The following PSD3 variants were observed in gnomAD, a reference collection of about 807,000 sequenced individuals.
PSD3 encodes the protein PH and SEC7 domain-containing protein 3.
PSD3 carries 49 observed loss-of-function variants against 105.5 expected under a neutral mutation model. The ratio of observed to expected loss-of-function variants is 0.46; its 90% CI spans 0.37 to 0.59. The LOEUF is 0.59. PSD3 is among the 20% of genes least tolerant of loss of function. PSD3 has a pLI of 0.00. For missense variants in PSD3, 1,561 were observed against 1,263.8 expected (o/e 1.24, Z -3.57); for synonymous variants, 557 against 457.8 (o/e 1.22, Z -2.77).
In PSD3 at chr8:18,575,219, C is replaced by T. The variant is rs376777939; in HGVS notation, c.2548G>A (p.Ala850Thr). 22 of 1,613,692 alleles carry T rather than the reference C, an allele frequency of 1.4e-5. No homozygotes were observed. The highest frequency in any genetic ancestry group is 5.3e-5 in the African/African-American group (4 of 74,892). Residue 850 changes from alanine to threonine, a missense_variant, in exon 13 of 16, where the codon GCA becomes ACA. Coordinates refer to ENST00000327040, the MANE Select transcript of PSD3 (RefSeq NM_015310.4). ...TAGTCCGTGGCCTTGGATGCCAATG[C>T]GTGGTGCACACTCACAGCGTTTTTC... is the stretch of plus-strand genomic sequence containing the variant. ...DLKNAVSVHH[A>T]LASKATDYEK...
At chr8:18,621,385 G>A in intron 11 of PSD3, among the ~76,000 whole-genome samples, 1 of 152,172 alleles carries the variant, frequency 6.6e-6, no homozygotes, top group East Asian at 1.9e-4. Context: ...TCCAGCCTGG[G>A]CAACAGAGTG....
At chr8:18,575,635 T>A (rs1026878016) in intron 12 of PSD3, among the ~76,000 whole-genome samples, 1 of 152,150 alleles carries the variant, frequency 6.6e-6, no homozygotes, top group Non-Finnish European at 1.5e-5. Context: ...CTTGGACCAA[T>A]AGTGTGATTT....
At chr8:18,884,447 G>C (rs556026979) in intron 2 of PSD3, among the ~76,000 whole-genome samples, 1 of 152,216 alleles carries the variant, frequency 6.6e-6, no homozygotes, top group Non-Finnish European at 1.5e-5. Context: ...ATGAATATGA[G>C]TAATGAGAAT....
At chr8:18,549,080 G>A (rs544560325) in intron 15 of PSD3, among the ~76,000 whole-genome samples, 1 of 152,240 alleles carries the variant, frequency 6.6e-6, no homozygotes, top group African/African-American at 2.4e-5. Context: ...CATGGTTGCA[G>A]GGGGCTCTCT....
chr8:18,812,688 G>C (rs1219481540), intron 4 of PSD3, among the ~76,000 whole-genome samples: 1 of 152,210 alleles, frequency 6.6e-6, no homozygotes, highest in Non-Finnish European at 1.5e-5. Context: ...AGAAAAAGAA[G>C]TTCCATTTTT....
At chr8:18,638,876 A>T (rs768724028) in intron 10 of PSD3, among the ~76,000 whole-genome samples, 3 of 152,228 alleles carry the variant, frequency 2.0e-5, no homozygotes, top group Non-Finnish European at 4.4e-5. Flanking sequence ...ACTGGTATAA[A>T]AACAGAAAGC....
chr8:19,044,774 C>G (rs1828253739), intron 1 of PSD3, among the ~76,000 whole-genome samples: 1 of 151,676 alleles, frequency 6.6e-6, no homozygotes, highest in African/African-American at 2.4e-5. Flanking sequence ...TAAAGCCTTA[C>G]AGAAGAGATT....
chr8:19,039,999 T>A (rs1204578790), intron 1 of PSD3, among the ~76,000 whole-genome samples: 1 of 152,128 alleles, frequency 6.6e-6, no homozygotes, highest in African/African-American at 2.4e-5. Flanking sequence ...TTTATTTTAG[T>A]TAGGATGGTG....
intron 2 of PSD3, among the ~76,000 whole-genome samples, chr8:18,876,315 G>C (rs1357203690): frequency 6.6e-6 from 1 of 152,120 alleles, no homozygotes; most frequent in East Asian, 1.9e-4. Context: ...TGAGATATTG[G>C]AGTTGTTTCA....
intron 9 of PSD3, among the ~76,000 whole-genome samples, chr8:18,729,444 T>C (rs1460452714): frequency 6.6e-6 from 1 of 152,162 alleles, no homozygotes; most frequent in Non-Finnish European, 1.5e-5. Context: ...TACCCAAAAT[T>C]ATTTCAAGAT....
At chr8:19,052,487 AAAAAGAAAAAG>A (rs1828566122) in intron 1 of PSD3, among the ~76,000 whole-genome samples, 2 of 151,004 alleles carry the variant, frequency 1.3e-5, no homozygotes, top group Admixed American at 1.3e-4. Context: ...AAAAAAAAAG[AAAAAGAAAAAG>A]AAAAGAAATA....
At chr8:18,711,312 C>T (rs563018153) in intron 9 of PSD3, among the ~76,000 whole-genome samples, 5 of 152,184 alleles carry the variant, frequency 3.3e-5, no homozygotes, top group African/African-American at 1.2e-4. Context: ...TGTAAATGGG[C>T]TAAATGCCTC....
intron 9 of PSD3, among the ~76,000 whole-genome samples, chr8:18,739,113 G>A (rs1804369919): frequency 6.6e-6 from 1 of 151,958 alleles, no homozygotes; most frequent in Admixed American, 6.6e-5. Flanking sequence ...TGGAAAACTA[G>A]GAAAACTTCA....
chr8:18,614,536 G>A (rs868450839), intron 11 of PSD3, among the ~76,000 whole-genome samples: 2 of 152,058 alleles, frequency 1.3e-5, no homozygotes, highest in East Asian at 3.9e-4. Context: ...TAAGGTATCA[G>A]TAAACACCCA....
At chr8:18,849,502 T>C (rs1815395186) in intron 4 of PSD3, 1 of 152,244 alleles carries the variant, frequency 6.6e-6, no homozygotes, top group African/African-American at 2.4e-5. Flanking sequence ...TGCCTCTTCT[T>C]ACATGTTGGC....
chr8:18,777,109 C>G (rs896729507), intron 8 of PSD3, among the ~76,000 whole-genome samples: 1 of 152,130 alleles, frequency 6.6e-6, no homozygotes, highest in African/African-American at 2.4e-5. Flanking sequence ...GTGGAACGAT[C>G]TTGGCTCACT....
At chr8:18,638,128 C>G (rs982736667) in intron 10 of PSD3, among the ~76,000 whole-genome samples, 5 of 146,578 alleles carry the variant, frequency 3.4e-5, no homozygotes, top group Non-Finnish European at 7.4e-5. Flanking sequence ...GCACTCCAGC[C>G]TGGGCGACAG....
chr8:18,884,784 G>A (rs1818351223), intron 2 of PSD3, among the ~76,000 whole-genome samples: 1 of 152,146 alleles, frequency 6.6e-6, no homozygotes, highest in Non-Finnish European at 1.5e-5. Context: ...TAATGATTCA[G>A]AACCCAATTT....
intron 2 of PSD3, among the ~76,000 whole-genome samples, chr8:18,912,208 G>T (rs920471542): frequency 6.6e-6 from 1 of 152,112 alleles, no homozygotes; most frequent in African/African-American, 2.4e-5. Flanking sequence ...AGATATAACA[G>T]GGAATATTTG....
Sources: allele counts gnomAD v4.1 joint callset (sites outside exome capture counted in the v4.1 genomes callset), GRCh38; gene constraint gnomAD v4.1.1; transcripts MANE v1.5; gene names NCBI Gene and HGNC (gene_info 2026-07-23, HGNC 2026-07-21).